The following MITF variants were observed in gnomAD, a reference collection of about 807,000 sequenced individuals.
MITF encodes the protein melanocyte inducing transcription factor.
In MITF, 17 loss-of-function variants were observed where a neutral mutation model predicts 60.5. The ratio of observed to expected loss-of-function variants is 0.28; its 90% CI spans 0.19 to 0.42. The LOEUF is 0.42. Ranked by LOEUF, MITF falls within the 10% of genes least tolerant of loss-of-function variation. The probability of loss-of-function intolerance (pLI) is 1.00; values close to 1 mark genes in which losing one functional copy is unlikely to be tolerated. For synonymous variants in MITF, 260 were observed against 248.5 expected (o/e 1.05, Z -0.43); for missense variants, 622 against 683.5 (o/e 0.91, Z 1.00).
intron 1 of MITF, among the ~76,000 whole-genome samples, chr3:69,819,154 G>T (rs2063227160): frequency 6.6e-6 from 1 of 152,156 alleles, no homozygotes; most frequent in African/African-American, 2.4e-5. Context: ...GTCATGATTT[G>T]TTTTTAAAAA....
intron 2 of MITF, among the ~76,000 whole-genome samples, chr3:69,928,882 G>A (rs571258902): frequency 5.9e-5 from 9 of 152,206 alleles, no homozygotes; most frequent in South Asian, 2.1e-4. Context: ...GCTTCCGGCC[G>A]GTCATTTGAG....
At chr3:69,871,031 C>T (rs2064226075) in intron 1 of MITF, among the ~76,000 whole-genome samples, 1 of 152,110 alleles carries the variant, frequency 6.6e-6, no homozygotes, top group Non-Finnish European at 1.5e-5. Flanking sequence ...AAGTCCTTGT[C>T]CAGGGTTAGT....
intron 1 of MITF, among the ~76,000 whole-genome samples, chr3:69,828,301 C>T (rs1211646266): frequency 6.6e-6 from 1 of 152,146 alleles, no homozygotes; most frequent in Non-Finnish European, 1.5e-5. Context: ...GATTAGTGAG[C>T]ATCCTTCATT....
chr3:69,861,059 C>T (rs2064007709), intron 1 of MITF, among the ~76,000 whole-genome samples: 1 of 152,184 alleles, frequency 6.6e-6, no homozygotes, highest in Admixed American at 6.5e-5. Flanking sequence ...TGGACCAGTT[C>T]CTTGCAAATT....
At chr3:69,924,384 G>C (rs1334722010) in intron 2 of MITF, among the ~76,000 whole-genome samples, 1 of 152,180 alleles carries the variant, frequency 6.6e-6, no homozygotes, top group Non-Finnish European at 1.5e-5. Flanking sequence ...GCAATAGGCT[G>C]ATAGGTGTGC....
At chr3:69,924,429 C>T (rs2065539132) in intron 2 of MITF, among the ~76,000 whole-genome samples, 1 of 152,178 alleles carries the variant, frequency 6.6e-6, no homozygotes, top group African/African-American at 2.4e-5. Context: ...TACCATAACA[C>T]TTTTCCTTTT....
At chr3:69,909,207 G>A (rs1047320662) in intron 2 of MITF, among the ~76,000 whole-genome samples, 2 of 152,072 alleles carry the variant, frequency 1.3e-5, no homozygotes, top group African/African-American at 4.8e-5. Context: ...GATCTGATGG[G>A]TTTATCAGGG....
intron 1 of MITF, among the ~76,000 whole-genome samples, chr3:69,876,414 G>A (rs531593955): frequency 4.6e-5 from 7 of 150,720 alleles, no homozygotes; most frequent in South Asian, 2.1e-4. Flanking sequence ...TTCCCCCCGC[G>A]CTTCCCCCCG....
intron 1 of MITF, among the ~76,000 whole-genome samples, chr3:69,765,741 G>C (rs919818344): frequency 6.6e-6 from 1 of 152,162 alleles, no homozygotes; most frequent in Non-Finnish European, 1.5e-5. Context: ...CTTACCATAA[G>C]ACCTTTTAAG....
rs566398797 is a variant in MITF at position 69,940,814 on chromosome 3, G to T, written c.667-422G>T. 7.2e-5 allele frequency among the ~76,000 whole-genome samples: 11 copies of T among 152,330 alleles called. No homozygotes were observed. The South Asian group carries it at 2.3e-3, about 32-fold the overall frequency. ...TCTCCTGTTTAGGGCAGGCAGTTTAGCATAGTTGTGAAAGCATGGGTTAAA... is the reference window on the plus strand; with the variant it reads ...TCTCCTGTTTAGGGCAGGCAGTTTATCATAGTTGTGAAAGCATGGGTTAAA... On this transcript the variant is annotated intron_variant, in intron 4 of 9. Coordinates refer to ENST00000352241, the MANE Select transcript of MITF (RefSeq NM_001354604.2).
chr3:69,888,981 T>G (rs1239950857), intron 2 of MITF, among the ~76,000 whole-genome samples: 1 of 151,444 alleles, frequency 6.6e-6, no homozygotes. Context: ...GGAATTTAAT[T>G]TGAATCCTTC....
intron 2 of MITF, among the ~76,000 whole-genome samples, chr3:69,911,953 A>G (rs182000282): frequency 6.6e-6 from 1 of 152,336 alleles, no homozygotes; most frequent in East Asian, 1.9e-4. Context: ...GGAGACAAAC[A>G]TGGGGATGTT....
At chr3:69,959,247 T>C (rs751044524) in intron 8 of MITF, 26 bp from the exon 9 acceptor site, 5 of 1,613,264 alleles carry the variant, frequency 3.1e-6, no homozygotes, top group African/African-American at 1.3e-5. Flanking sequence ...CCTAAAAATA[T>C]CTGTTTTCCT....
intron 1 of MITF, among the ~76,000 whole-genome samples, chr3:69,874,280 T>G (rs2064303103): frequency 6.6e-6 from 1 of 152,256 alleles, no homozygotes; most frequent in Non-Finnish European, 1.5e-5. Flanking sequence ...AAAAGTTTTT[T>G]GAGTTCTCTC....
intron 1 of MITF, among the ~76,000 whole-genome samples, chr3:69,852,215 C>A (rs972927531): frequency 6.6e-6 from 1 of 152,072 alleles, no homozygotes; most frequent in Non-Finnish European, 1.5e-5. Flanking sequence ...ATATAATATT[C>A]CCACAGAAAA....
intron 2 of MITF, chr3:69,937,036 A>G: frequency 3.2e-6 from 1 of 315,502 alleles, no homozygotes; most frequent in Non-Finnish European, 5.8e-6. Flanking sequence ...TGTCTTTATC[A>G]AGAAAAAAGT....
chr3:69,760,310 G>A (rs972816140), intron 1 of MITF, among the ~76,000 whole-genome samples: 1 of 152,168 alleles, frequency 6.6e-6, no homozygotes, highest in African/African-American at 2.4e-5. Context: ...GAGGGCAGGT[G>A]AGCCCCCAGA....
intron 2 of MITF, among the ~76,000 whole-genome samples, chr3:69,891,265 T>C (rs527544069): frequency 6.6e-6 from 1 of 152,318 alleles, no homozygotes; most frequent in South Asian, 2.1e-4. Context: ...TATTGACACC[T>C]GGGACTCCCA....
chr3:69,804,329 C>G (rs537508150), intron 1 of MITF, among the ~76,000 whole-genome samples: 1 of 151,484 alleles, frequency 6.6e-6, no homozygotes, highest in East Asian at 1.9e-4. Context: ...ACCCCCTTTC[C>G]CCTTTACTCC....
Sources: allele counts gnomAD v4.1 joint callset (sites outside exome capture counted in the v4.1 genomes callset), GRCh38; gene constraint gnomAD v4.1.1; transcripts MANE v1.5; gene names NCBI Gene and HGNC (gene_info 2026-07-23, HGNC 2026-07-21).